DHRS4L2: variants seen among roughly 807,000 people sequenced by gnomAD.
DHRS4L2 encodes the protein dehydrogenase/reductase SDR family member 4-like 2.
In DHRS4L2, 22 loss-of-function variants were observed where a neutral mutation model predicts 23.9. The ratio of observed to expected loss-of-function variants is 0.92; its 90% CI spans 0.66 to 1.31. DHRS4L2 has a LOEUF of 1.31. DHRS4L2 is among the 40% of genes most tolerant of loss of function. The pLI is 0.00. For missense variants in DHRS4L2, 385 were observed against 303.3 expected (o/e 1.27, Z -2.00); for synonymous variants, 141 against 123.7 (o/e 1.14, Z -0.93).
Position 23,990,231 on chromosome 14 carries a change from G to A in DHRS4L2, c.178G>A (p.Val60Ile), listed in dbSNP as rs772988441. The change falls in exon 2 of 8, where the codon GTC becomes ATC. Residue 60 changes from valine (V) to isoleucine (I), a missense_variant. Transcript: ENST00000335125. ...TTTGGCCCAGGACAGGGCCCACGTG[G>A]TCGTCAGCAGCCGGAAGCAGCAGAA... ...RRLAQDRAHV[V>I]VSSRKQQNVD... The A allele has an allele frequency of 2.5e-6, 4 of 1,612,792 alleles. No homozygotes were observed. The East Asian group carries it at 8.9e-5, about 36-fold the overall frequency.
chr14:23,973,512 G>A (rs1266976828), intron 1 of DHRS4L2, among the ~76,000 whole-genome samples: 13 of 151,872 alleles, frequency 8.6e-5, no homozygotes, highest in African/African-American at 1.5e-4. Context: ...AAGAGTGAGC[G>A]AGGGCTGCCA....
In DHRS4L2 at chr14:23,989,044, A is replaced by ACC. The variant is rs1225255499; in HGVS notation, c.97_98insCC (p.Lys33ThrfsTer6). 1 of 1,596,288 alleles carries ACC rather than the reference A, an allele frequency of 6.3e-7. No homozygotes were observed. On this transcript the variant is annotated frameshift_variant, in exon 1 of 8. Transcript: ENST00000335125. LOFTEE classifies it high-confidence loss of function. Reference sequence around the variant, plus strand: ...GACCCGCCGGGACCCGCTCACAAATAAGGTGGCCCTGGTAACGGCCTCCAC... The same window carrying ACC: ...GACCCGCCGGGACCCGCTCACAAATACCAGGTGGCCCTGGTAACGGCCTCCAC...
At chr14:23,987,041 C>T (rs2034159346), upstream of DHRS4L2, among the ~76,000 whole-genome samples, 1 of 151,726 alleles carries the variant, frequency 6.6e-6, no homozygotes, top group African/African-American at 2.4e-5. Context: ...GCAGCTGTAA[C>T]TTCTTGGCTG....
intron 3 of DHRS4L2, among the ~76,000 whole-genome samples, chr14:23,998,639 T>A (rs916490834): frequency 3.3e-5 from 5 of 151,824 alleles, no homozygotes; most frequent in African/African-American, 1.2e-4. Flanking sequence ...TTCCGGAGCT[T>A]CTTCACTTCT....
chr14:23,972,567 T>G (rs928919799), intron 1 of DHRS4L2, among the ~76,000 whole-genome samples: 5 of 151,918 alleles, frequency 3.3e-5, no homozygotes, highest in Admixed American at 3.3e-4. Context: ...GGGTTGCTAC[T>G]GCTTGAAGGG....
At chr14:23,985,723 A>AT (rs1354251511), upstream of DHRS4L2, among the ~76,000 whole-genome samples, 1 of 150,802 alleles carries the variant, frequency 6.6e-6, no homozygotes, top group Non-Finnish European at 1.5e-5. Flanking sequence ...TTCTTTTTTT[A>AT]TTTTTTTGAG....
intron 3 of DHRS4L2, among the ~76,000 whole-genome samples, chr14:23,995,431 A>G (rs2034361543): frequency 6.6e-6 from 1 of 151,784 alleles, no homozygotes; most frequent in Admixed American, 6.6e-5. Flanking sequence ...TCCAACAGAG[A>G]CGTAGGCAGC....
intron 3 of DHRS4L2, among the ~76,000 whole-genome samples, chr14:24,000,502 T>G (rs1201987861): frequency 6.6e-6 from 1 of 152,008 alleles, no homozygotes; most frequent in Non-Finnish European, 1.5e-5. Flanking sequence ...TGGCCTACTC[T>G]AGGGCAGGTC....
chr14:24,000,247 T>C (rs914668064), intron 3 of DHRS4L2, among the ~76,000 whole-genome samples: 1 of 148,786 alleles, frequency 6.7e-6, no homozygotes, highest in African/African-American at 2.5e-5. Flanking sequence ...ATATAAGCAG[T>C]TGTCTAGAAC....
chr14:24,005,439 G>C (rs2034553354), intron 7 of DHRS4L2, among the ~76,000 whole-genome samples: 1 of 151,978 alleles, frequency 6.6e-6, no homozygotes, highest in Admixed American at 6.5e-5. Context: ...ATGACTTTAA[G>C]GCACAAGTAT....
rs762000184 is a variant in DHRS4L2, at chr14:23,995,075, C to A, written c.350C>A (p.Ala117Asp). Residue 117 changes from alanine (A) to aspartate (D), a missense_variant, in exon 3 of 8, where the codon GCT (alanine) becomes GAT (aspartate). Physicochemically the swap from Ala to Asp is moderately radical, Grantham distance 126. Transcript: ENST00000335125. ...HGGIDILVSN[A>D]AVNPFFGSLM... ...GGTATCGATATCCTAGTCTCCAATG[C>A]TGCTGTCAACCCTTTCTTTGGAAGC... The A allele has an allele frequency of 1.2e-6, 2 of 1,612,940 alleles. No homozygotes were observed. The highest frequency in any genetic ancestry group is 1.7e-6 in the Non-Finnish European group (2 of 1,179,516).
intron 3 of DHRS4L2, among the ~76,000 whole-genome samples, chr14:23,999,367 A>AAAAAAACAAAAC (rs2034443850): frequency 8.6e-6 from 1 of 116,774 alleles, no homozygotes; most frequent in Non-Finnish European, 1.8e-5. Context: ...AAAAAAAAAA[A>AAAAAAACAAAAC]AAAAAAACAA....
chr14:24,000,789 C>G lies in DHRS4L2; in HGVS notation c.409-74C>G, dbSNP rs1393670907. The G allele has an allele frequency of 3.0e-6, 4 of 1,344,718 alleles. No individual in the cohort carries two copies. In the South Asian group the frequency reaches 3.9e-5, roughly 13 times the overall value. The allele number at this position is 1,344,718 out of a possible 1,614,324, so 83.3% of individuals were successfully genotyped here. On this transcript the variant is annotated intron_variant, in intron 3 of 7. Coordinates refer to ENST00000335125, the MANE Select transcript of DHRS4L2 (RefSeq NM_198083.4). ...CTGACAAACATCCTAGGAACCCACT[C>G]TAACTCCTCATTTTTTCATGCCTCC...
chr14:23,989,395 A>G (rs2034218715), intron 1 of DHRS4L2, among the ~76,000 whole-genome samples: 1 of 151,614 alleles, frequency 6.6e-6, no homozygotes, highest in South Asian at 2.1e-4. Flanking sequence ...CTGGAAATGC[A>G]AGGGAATCTG....
chr14:24,005,847 T>C (rs1287218102), intron 7 of DHRS4L2, 39 bp from the exon 8 acceptor site: 1 of 1,608,436 alleles, frequency 6.2e-7, no homozygotes, highest in Non-Finnish European at 8.5e-7. Context: ...GCAGACCCGT[T>C]TGATTTTTAC....
intron 5 of DHRS4L2, 43 bp downstream of exon 5, chr14:24,001,127 C>T: frequency 1.2e-6 from 2 of 1,609,510 alleles, no homozygotes; most frequent in Non-Finnish European, 1.7e-6. Flanking sequence ...ACCCTCCACT[C>T]CACATCTTTC....
At chr14:24,001,640 C>T (rs1594477601) in intron 6 of DHRS4L2, 123 bp downstream of exon 6, 3 of 1,411,420 alleles carry the variant, frequency 2.1e-6, no homozygotes, top group Admixed American at 2.3e-5. Context: ...CCTGGACTTT[C>T]CCATATTCCC....
intron 3 of DHRS4L2, among the ~76,000 whole-genome samples, chr14:23,998,006 C>T (rs867431568): frequency 1.3e-5 from 2 of 151,866 alleles, no homozygotes; most frequent in Non-Finnish European, 2.9e-5. Context: ...GTCAGAATTA[C>T]CCCCGATCCA....
At position 24,001,085 on chromosome 14, in the gene DHRS4L2, G is replaced by T; in HGVS notation, c.531+1G>T. On this transcript the variant is annotated splice_donor_variant, in intron 5 of 7. Coordinates refer to ENST00000335125, the MANE Select transcript of DHRS4L2 (RefSeq NM_198083.4). LOFTEE classifies it high-confidence loss of function. Reference sequence around the variant, plus strand: ...CATAGCAGCCTTCAGTCCATCTCCTGTAAGAACCCTTTTGTCTACCTCTTC... The same window carrying T: ...CATAGCAGCCTTCAGTCCATCTCCTTTAAGAACCCTTTTGTCTACCTCTTC... 3.7e-6 allele frequency: 6 copies of T among 1,610,772 alleles called. No individual in the cohort carries two copies. Among genetic ancestry groups the T allele is most frequent in the Non-Finnish European group, 5.1e-6 (6 of 1,179,322 alleles).
Sources: gnomAD v4.1 joint callset for allele counts (sites outside exome capture counted in the v4.1 genomes callset) on GRCh38, gnomAD v4.1.1 for gene constraint, MANE v1.5 for transcripts, NCBI Gene and HGNC (gene_info 2026-07-23, HGNC 2026-07-21) for gene names.